Variants in ANO7 observed in about 807,000 individuals in gnomAD.
ANO7 encodes anoctamin 7, also known as anoctamin-7.
A neutral mutation model predicts 115.8 loss-of-function variants in ANO7; 114 were observed. The observed-to-expected ratio is 0.98, with a 90% CI of 0.85 to 1.15. The LOEUF (loss-of-function observed/expected upper bound fraction) is 1.15. Ranked by LOEUF, ANO7 falls within the 50% of genes most tolerant of loss-of-function variation. The pLI is 0.00. For synonymous variants in ANO7, 550 were observed against 498.2 expected, an observed-to-expected ratio of 1.10 and a Z score of -1.38; for missense variants, 1,302 against 1,201.2, an observed-to-expected ratio of 1.08 and a Z score of -1.24.
In ANO7 at chr2:241,224,432, T is replaced by G; in HGVS notation, c.*279T>G. Reference sequence around the variant, plus strand: ...AGGGGCCCCTGCACCCAAGGGACCCTGTCCCTCGGTGGCCTCCCCAGGCCC... The same window carrying G: ...AGGGGCCCCTGCACCCAAGGGACCCGGTCCCTCGGTGGCCTCCCCAGGCCC... On this transcript the variant is annotated 3_prime_UTR_variant, in exon 25 of 25. Coordinates refer to ENST00000674324, the MANE Select transcript of ANO7 (RefSeq NM_001370694.2). 4.3e-6 allele frequency: 2 copies of G among 468,164 alleles called. No homozygotes were observed. Among genetic ancestry groups the G allele is most frequent in the Non-Finnish European group, 3.9e-6 (1 of 255,902 alleles). 29.0% of individuals were successfully genotyped at this position (468,164 alleles called of 1,614,324 possible). A position where few individuals can be genotyped will look rare whatever the true frequency, so the allele number is the denominator to read the frequency against.
chr2:241,219,353 T>C (rs2068952713), intron 21 of ANO7, among the ~76,000 whole-genome samples: 1 of 152,242 alleles, frequency 6.6e-6, no homozygotes, highest in African/African-American at 2.4e-5. Context: ...AGCTTTTTAG[T>C]TGTGTACGAA....
At chr2:241,226,797 C>A (rs62186360), downstream of ANO7, among the ~76,000 whole-genome samples, 1 of 152,142 alleles carries the variant, frequency 6.6e-6, no homozygotes, top group Admixed American at 6.5e-5. Flanking sequence ...GCAGCAGGAA[C>A]ACCTATTCCC....
At chr2:241,194,572 C>A (rs1018788200) in intron 3 of ANO7, among the ~76,000 whole-genome samples, 16 of 152,204 alleles carry the variant, frequency 1.1e-4, no homozygotes, top group African/African-American at 3.9e-4. Flanking sequence ...CCTGCCTCAG[C>A]CTCCCAAATT....
chr2:241,208,864 AG>A (rs1165366628), intron 11 of ANO7, among the ~76,000 whole-genome samples: 7 of 152,108 alleles, frequency 4.6e-5, no homozygotes, highest in Non-Finnish European at 8.8e-5. Context: ...AAACACAGTC[AG>A]GGGGCTGGGC....
Position 241,203,336 on chromosome 2 carries a change from C to A in ANO7, c.727C>A (p.Pro243Thr). 7.8e-6 allele frequency: 12 copies of A among 1,538,626 alleles called. No homozygotes were observed. Among genetic ancestry groups the A allele is most frequent in the Non-Finnish European group, 1.0e-5 (12 of 1,144,082 alleles). The change falls in exon 9 of 25, where the codon CCC becomes ACC. Residue 243 changes from proline to threonine, a missense_variant. Transcript: ENST00000674324. This position sits in a 1 kb window ranked among gnomAD's most constrained non-coding sequence, Gnocchi z 4.8. ...LSAAFPLHDG[P>T]FKTPPEGPQA... ...CCCACAGGCCGCTCGCCCCCAGGGC[C>A]CCTTCAAGACGCCCCCAGAGGGCCC...
At chr2:241,229,698 A>T, downstream of ANO7, 1 of 1,613,914 alleles carries the variant, frequency 6.2e-7, no homozygotes, top group Non-Finnish European at 8.5e-7. Context: ...CTGTGCAGAG[A>T]GAGGACACGG....
the ANO7 span, chr2:241,234,042 A>C: frequency 6.6e-7 from 1 of 1,522,138 alleles, no homozygotes; most frequent in Non-Finnish European, 9.1e-7. Context: ...CACCCTGGTC[A>C]TAGGACACTG....
At chr2:241,234,036 C>T in the ANO7 span, 2 of 1,552,580 alleles carry the variant, frequency 1.3e-6, no homozygotes, top group Non-Finnish European at 1.8e-6. Context: ...CCCTTCCACC[C>T]TGGTCATAGG....
At chr2:241,226,242 T>C (rs1207584609), downstream of ANO7, among the ~76,000 whole-genome samples, 1 of 151,976 alleles carries the variant, frequency 6.6e-6, no homozygotes, top group Non-Finnish European at 1.5e-5. Context: ...AACTGGGGAC[T>C]TTGCATTTGG....
intron 9 of ANO7, 45 bp from the exon 10 acceptor site, chr2:241,204,820 C>G: frequency 6.4e-7 from 1 of 1,557,380 alleles, no homozygotes; most frequent in Non-Finnish European, 8.8e-7. Context: ...CTGGGGCCCC[C>G]AAGCCTGGGT....
At chr2:241,199,779 C>T (rs549434960) in intron 5 of ANO7, among the ~76,000 whole-genome samples, 15 of 152,308 alleles carry the variant, frequency 9.8e-5, no homozygotes, top group East Asian at 1.9e-4. Context: ...GACGTGGGTC[C>T]GCCTCCCACC....
intron 8 of ANO7, among the ~76,000 whole-genome samples, chr2:241,202,557 G>A (rs1024545366): frequency 2.6e-5 from 4 of 152,238 alleles, no homozygotes; most frequent in Non-Finnish European, 5.9e-5. Context: ...GCCGGTCCCT[G>A]GGCTCTAGAT....
intron 22 of ANO7, 25 bp from the exon 23 acceptor site, chr2:241,223,637 C>A: frequency 6.2e-7 from 1 of 1,607,528 alleles, no homozygotes; most frequent in Admixed American, 1.7e-5. Context: ...TTTGGGTGGG[C>A]GTGAGTGCCT....
chr2:241,218,118 C>T (rs1423405615), intron 20 of ANO7, 121 bp from the exon 21 acceptor site: 1 of 337,836 alleles, frequency 3.0e-6, no homozygotes. Context: ...CGGGGGCGCG[C>T]AGGGGCGGAG....
downstream of ANO7, chr2:241,230,188 C>A (rs1041170759): frequency 6.2e-7 from 1 of 1,613,832 alleles, no homozygotes; most frequent in Non-Finnish European, 8.5e-7. The surrounding 1 kb of genome is among the most constrained non-coding windows in gnomAD (Gnocchi z 5.0). Context: ...TGGTCGATGG[C>A]TTCCTCCACA....
chr2:241,212,432 C>A, intron 16 of ANO7, 140 bp from the exon 17 acceptor site: 1 of 1,042,324 alleles, frequency 9.6e-7, no homozygotes. Context: ...GGAGGCCCAG[C>A]TCACAACCGG....
At chr2:241,210,274 C>T (rs368875591) in intron 13 of ANO7, 21 bp from the exon 14 acceptor site, 72 of 1,612,192 alleles carry the variant, frequency 4.5e-5, no homozygotes, top group African/African-American at 3.7e-4. Context: ...AAGGGTCTCA[C>T]GGGCCTCCCT....
intron 21 of ANO7, 38 bp downstream of exon 21, chr2:241,218,419 C>T: frequency 1.6e-6 from 2 of 1,260,408 alleles, no homozygotes; most frequent in Non-Finnish European, 2.0e-6. Flanking sequence ...CGCGGGCGCA[C>T]GAGGACGAGG....
At chr2:241,204,527 AG>A (rs2068546144) in intron 9 of ANO7, among the ~76,000 whole-genome samples, 1 of 152,024 alleles carries the variant, frequency 6.6e-6, no homozygotes, top group Non-Finnish European at 1.5e-5. Context: ...CAGGATGTAG[AG>A]GGACTTCTCT....
Sources: allele counts gnomAD v4.1 joint callset (sites outside exome capture counted in the v4.1 genomes callset), GRCh38; gene constraint gnomAD v4.1.1; non-coding constraint Gnocchi (gnomAD v3.1); transcripts MANE v1.5; gene names NCBI Gene and HGNC (gene_info 2026-07-23, HGNC 2026-07-21).